MEI4: variants seen among roughly 807,000 people sequenced by gnomAD.
MEI4 encodes meiotic double-stranded break formation protein 4.
MEI4 carries 27 observed loss-of-function variants against 31.4 expected under a neutral mutation model. The ratio of observed to expected loss-of-function variants is 0.86; its 90% CI spans 0.63 to 1.19. The LOEUF is 1.19. Among genes scored for constraint, MEI4 ranks in the 50% most tolerant of loss-of-function variants. MEI4 has a pLI of 0.00. For synonymous variants in MEI4, 122 were observed against 145.4 expected, an observed-to-expected ratio of 0.84 and a Z score of 1.16; for missense variants, 329 against 398.9, an observed-to-expected ratio of 0.82 and a Z score of 1.49.
chr6:77,878,126 G>A (rs1771388910), intron 4 of MEI4, among the ~76,000 whole-genome samples: 1 of 152,026 alleles, frequency 6.6e-6, no homozygotes, highest in Non-Finnish European at 1.5e-5. Context: ...AGTCATCAGA[G>A]GTGGCATTGT....
At chr6:77,766,711 C>G (rs779420590) in intron 3 of MEI4, among the ~76,000 whole-genome samples, 11 of 152,224 alleles carry the variant, frequency 7.2e-5, no homozygotes, top group Non-Finnish European at 1.2e-4. Context: ...TAATCAAAAT[C>G]CTGATTTTGA....
chr6:77,702,145 C>G (rs1043429017), intron 2 of MEI4, among the ~76,000 whole-genome samples: 1 of 152,148 alleles, frequency 6.6e-6, no homozygotes, highest in Non-Finnish European at 1.5e-5. Flanking sequence ...TGGAGCTTGC[C>G]TTAGTCTTCT....
chr6:77,823,633 C>T lies in MEI4; in HGVS notation c.769-5298C>T, dbSNP rs188096483. Among the ~76,000 whole-genome samples, 3 of 151,734 alleles carry T rather than the reference C, an allele frequency of 2.0e-5. No homozygotes were observed. The East Asian group carries it at 5.8e-4, about 29-fold the overall frequency. The stretch of plus-strand genomic sequence containing the variant: ...AGAGTTTTTGTACTTTCTTATTTTC[C>T]AAACTTCCCACAAATAACATCTAAG... On this transcript the variant is annotated intron_variant, in intron 3 of 4. Coordinates refer to ENST00000684080, the MANE Select transcript of MEI4 (RefSeq NM_001322247.2).
At chr6:77,657,091 C>G (rs1004947792) in intron 1 of MEI4, among the ~76,000 whole-genome samples, 1 of 152,110 alleles carries the variant, frequency 6.6e-6, no homozygotes, top group Non-Finnish European at 1.5e-5. Flanking sequence ...AAATAATAGA[C>G]AAATTCCCAG....
chr6:77,871,471 C>T (rs1348368854), intron 4 of MEI4, among the ~76,000 whole-genome samples: 1 of 152,100 alleles, frequency 6.6e-6, no homozygotes, highest in Non-Finnish European at 1.5e-5. Context: ...CACATGTTCT[C>T]ATTTATAAGT....
intron 2 of MEI4, among the ~76,000 whole-genome samples, chr6:77,697,790 A>G (rs1255214908): frequency 1.3e-5 from 2 of 152,072 alleles, no homozygotes; most frequent in African/African-American, 2.4e-5. Context: ...GGTCCGCTTG[A>G]TACAGAGCTG....
intron 2 of MEI4, among the ~76,000 whole-genome samples, chr6:77,729,350 G>A (rs1766912524): frequency 6.6e-6 from 1 of 152,188 alleles, no homozygotes; most frequent in South Asian, 2.1e-4. Flanking sequence ...GCAACGTTAG[G>A]CATAAATGGG....
At chr6:77,841,333 A>ATATATATATATATATATATATATATATT in intron 4 of MEI4, among the ~76,000 whole-genome samples, 1 of 27,736 alleles carries the variant, frequency 3.6e-5, no homozygotes, top group African/African-American at 3.3e-4. Flanking sequence ...ATATATATAT[A>ATATATATATATATATATATATATATATT]TTTTTTTTTT....
At chr6:77,844,705 G>T (rs1335112443) in intron 4 of MEI4, among the ~76,000 whole-genome samples, 2 of 152,016 alleles carry the variant, frequency 1.3e-5, no homozygotes, top group Non-Finnish European at 2.9e-5. Context: ...TTATAACAGT[G>T]ACTGGCCTTA....
At chr6:77,747,359 AG>A (rs767999696) in intron 2 of MEI4, among the ~76,000 whole-genome samples, 22 of 152,296 alleles carry the variant, frequency 1.4e-4, no homozygotes, top group Non-Finnish European at 2.8e-4. Flanking sequence ...GAGACTGTAT[AG>A]TTTACAAAGA....
At chr6:77,663,556 TTAAAA>T (rs1219877850) in intron 1 of MEI4, among the ~76,000 whole-genome samples, 2 of 151,934 alleles carry the variant, frequency 1.3e-5, no homozygotes, top group African/African-American at 2.4e-5. Context: ...GTGGGGATAA[TTAAAA>T]AGGAGTGCTT....
At chr6:77,835,277 T>C (rs1392106529) in intron 4 of MEI4, among the ~76,000 whole-genome samples, 1 of 150,384 alleles carries the variant, frequency 6.6e-6, no homozygotes, top group African/African-American at 2.4e-5. Flanking sequence ...GGAGAATCAC[T>C]TGAACCCAGG....
intron 4 of MEI4, among the ~76,000 whole-genome samples, chr6:77,905,173 G>T (rs1766266071): frequency 6.7e-6 from 1 of 150,124 alleles, no homozygotes; most frequent in South Asian, 2.1e-4. Context: ...AGTCTCGGTT[G>T]GCAGTTTGCT....
At chr6:77,800,085 C>T (rs1034446951) in intron 3 of MEI4, among the ~76,000 whole-genome samples, 1 of 152,100 alleles carries the variant, frequency 6.6e-6, no homozygotes, top group African/African-American at 2.4e-5. Flanking sequence ...TTACCTTGGG[C>T]AGTATGGCCA....
intron 4 of MEI4, among the ~76,000 whole-genome samples, chr6:77,907,988 A>G (rs1463951380): frequency 7.9e-6 from 1 of 127,254 alleles, no homozygotes; most frequent in Non-Finnish European, 1.6e-5. Flanking sequence ...GCACTTGTTG[A>G]TGGGGTTTTT....
chr6:77,769,045 A>G (rs1022603648), intron 3 of MEI4, among the ~76,000 whole-genome samples: 13 of 152,196 alleles, frequency 8.5e-5, no homozygotes, highest in Admixed American at 6.5e-4. Flanking sequence ...ACCAAAAATC[A>G]GGTGAGCTAT....
chr6:77,698,746 T>C (rs1022216436), intron 2 of MEI4, among the ~76,000 whole-genome samples: 12 of 152,304 alleles, frequency 7.9e-5, no homozygotes, highest in African/African-American at 2.6e-4. Context: ...ATTATGTGTC[T>C]TGGAGTTGCT....
chr6:77,666,851 A>G (rs1330236080), intron 1 of MEI4, among the ~76,000 whole-genome samples: 4 of 133,668 alleles, frequency 3.0e-5, no homozygotes, highest in Non-Finnish European at 6.3e-5. Context: ...ATGTTTCTAC[A>G]TGCCTCTGTG....
At chr6:77,711,925 T>C (rs563627481) in intron 2 of MEI4, among the ~76,000 whole-genome samples, 91 of 152,316 alleles carry the variant, frequency 6.0e-4, no homozygotes, top group Non-Finnish European at 9.3e-4. Context: ...AGTACCATGA[T>C]TTCTATGGTG....
Sources: allele counts gnomAD v4.1 joint callset (sites outside exome capture counted in the v4.1 genomes callset), GRCh38; gene constraint gnomAD v4.1.1; transcripts MANE v1.5; gene names NCBI Gene and HGNC (gene_info 2026-07-23, HGNC 2026-07-21).